TBC1D4: variants seen among roughly 807,000 people sequenced by gnomAD.
TBC1D4 encodes TBC (Tre-2, BUB2, CDC16) domain-containing protein.
A neutral mutation model predicts 142.5 loss-of-function variants in TBC1D4; 121 were observed. That is an observed-to-expected ratio of 0.85 (90% CI 0.73 to 0.99). The LOEUF is 0.99. Ranked by LOEUF, TBC1D4 falls within the 50% of genes least tolerant of loss-of-function variation. TBC1D4 has a pLI of 0.00. For missense variants in TBC1D4, 1,475 were observed against 1,606.6 expected, an observed-to-expected ratio of 0.92 and a Z score of 1.40; for synonymous variants, 630 against 628.2, an observed-to-expected ratio of 1.00 and a Z score of -0.04.
chr13:75,369,104 T>C (rs769014767), intron 1 of TBC1D4, among the ~76,000 whole-genome samples: 1 of 152,008 alleles, frequency 6.6e-6, no homozygotes. Flanking sequence ...TGGCTGAGTT[T>C]AGTGCTGGTG....
chr13:75,419,769 C>T (rs1034951822), intron 1 of TBC1D4, among the ~76,000 whole-genome samples: 1 of 152,182 alleles, frequency 6.6e-6, no homozygotes, highest in African/African-American at 2.4e-5. Context: ...GAGTGCTTAC[C>T]ATGTGCCTGA....
At chr13:75,293,713 T>C (rs1001182752) in intron 18 of TBC1D4, among the ~76,000 whole-genome samples, 1 of 152,220 alleles carries the variant, frequency 6.6e-6, no homozygotes, top group African/African-American at 2.4e-5. Context: ...TAAATTGTAG[T>C]AACACTAATG....
intron 1 of TBC1D4, among the ~76,000 whole-genome samples, chr13:75,445,993 C>A (rs1169479751): frequency 2.0e-5 from 3 of 152,218 alleles, no homozygotes; most frequent in African/African-American, 7.2e-5. Flanking sequence ...ATTCTCTGAG[C>A]TCCAGAACCA....
Position 75,481,550 on chromosome 13 carries a change from C to A in TBC1D4, c.218G>T (p.Gly73Val). ...CTCTCGGGCCGCCGGCGCCCCGCAG[C>A]CGCCCGCCTCGGGCTTCTGGCTGCG... ...RRRSQKPEAG[G>V]CGAPAAREVI... The change falls in exon 1 of 21, where the codon GGC (glycine) becomes GTC (valine). Residue 73 changes from glycine to valine, a missense_variant. Physicochemically the swap from Gly to Val is moderately radical, Grantham distance 109. Coordinates refer to ENST00000377636, the MANE Select transcript of TBC1D4 (RefSeq NM_014832.5). The A allele has an allele frequency of 6.3e-7, 1 of 1,591,476 alleles. No individual in the cohort carries two copies. Among genetic ancestry groups the A allele is most frequent in the Non-Finnish European group, 8.5e-7 (1 of 1,169,816 alleles).
At chr13:75,423,257 T>C (rs1458911074) in intron 1 of TBC1D4, among the ~76,000 whole-genome samples, 1 of 151,534 alleles carries the variant, frequency 6.6e-6, no homozygotes, top group African/African-American at 2.4e-5. Flanking sequence ...ATGTAAGTGT[T>C]TTTTTTTTCT....
At chr13:75,377,257 C>G (rs1221901310) in intron 1 of TBC1D4, 1 of 152,154 alleles carries the variant, frequency 6.6e-6, no homozygotes, top group Non-Finnish European at 1.5e-5. Context: ...GGAAACATAC[C>G]TTTTTATGAA....
chr13:75,467,781 T>G (rs1434906566), intron 1 of TBC1D4, among the ~76,000 whole-genome samples: 1 of 152,234 alleles, frequency 6.6e-6, no homozygotes, highest in Admixed American at 6.5e-5. Flanking sequence ...TCAGTGGCCA[T>G]GAAAAGTATA....
At chr13:75,351,298 A>G (rs774403587) in intron 4 of TBC1D4, among the ~76,000 whole-genome samples, 26 of 152,220 alleles carry the variant, frequency 1.7e-4, no homozygotes, top group Non-Finnish European at 3.5e-4. Context: ...AGGACTTCAA[A>G]TATTATCTAG....
intron 1 of TBC1D4, among the ~76,000 whole-genome samples, chr13:75,463,193 A>G (rs1888040994): frequency 6.6e-6 from 1 of 151,686 alleles, no homozygotes; most frequent in Non-Finnish European, 1.5e-5. Flanking sequence ...AAAAAAAGTC[A>G]TAACAATCTC....
intron 1 of TBC1D4, among the ~76,000 whole-genome samples, chr13:75,448,394 CCT>C (rs1400926054): frequency 2.0e-5 from 3 of 151,798 alleles, no homozygotes; most frequent in Non-Finnish European, 2.9e-5. Context: ...ATGGAGAAAC[CCT>C]GTCTCTACTA....
intron 15 of TBC1D4, chr13:75,302,848 G>T (rs998403482): frequency 4.7e-6 from 1 of 210,818 alleles, no homozygotes; most frequent in Non-Finnish European, 9.6e-6. Context: ...AACTCCAAAA[G>T]TCTGGTTTCA....
chr13:75,401,285 C>T (rs1255743207), intron 1 of TBC1D4, among the ~76,000 whole-genome samples: 2 of 152,194 alleles, frequency 1.3e-5, no homozygotes, highest in Non-Finnish European at 2.9e-5. Context: ...CCTCTGAAGT[C>T]ACAGTATCTC....
chr13:75,297,944 A>T (rs1876123295), intron 17 of TBC1D4, among the ~76,000 whole-genome samples: 1 of 152,082 alleles, frequency 6.6e-6, no homozygotes, highest in African/African-American at 2.4e-5. Context: ...CCCCAGTCAA[A>T]ATTTTACCTT....
chr13:75,390,297 G>A (rs1313668527), intron 1 of TBC1D4, among the ~76,000 whole-genome samples: 4 of 110,936 alleles, frequency 3.6e-5, no homozygotes, highest in African/African-American at 3.1e-5. Flanking sequence ...AAAAAAAACA[G>A]GAGAAAGAAA....
At chr13:75,480,206 T>G (rs935470662) in intron 1 of TBC1D4, among the ~76,000 whole-genome samples, 5 of 152,222 alleles carry the variant, frequency 3.3e-5, no homozygotes, top group Non-Finnish European at 7.3e-5. Flanking sequence ...GATGTTTTTC[T>G]CATCTGACTA....
At chr13:75,333,108 G>A (rs1444454507) in intron 8 of TBC1D4, among the ~76,000 whole-genome samples, 1 of 152,134 alleles carries the variant, frequency 6.6e-6, no homozygotes, top group Non-Finnish European at 1.5e-5. Flanking sequence ...CCTCTTTAAA[G>A]GCACTGAGAG....
intron 13 of TBC1D4, among the ~76,000 whole-genome samples, chr13:75,311,969 G>C (rs1270706963): frequency 2.0e-5 from 3 of 152,074 alleles, no homozygotes; most frequent in Non-Finnish European, 2.9e-5. Context: ...CTAAAGATGA[G>C]TATGTTAAAA....
Position 75,362,317 on chromosome 13 carries a change from G to A in TBC1D4, c.789C>T (p.Pro263=). The A allele has an allele frequency of 5.0e-6, 8 of 1,613,886 alleles. No homozygotes were observed. Among genetic ancestry groups the A allele is most frequent in the African/African-American group, 1.3e-5 (1 of 75,062 alleles). The change falls in exon 2 of 21, where the codon CCC becomes CCT. Residue 263 remains proline, a synonymous_variant. Transcript: ENST00000377636. This position sits in a 1 kb window ranked among gnomAD's most constrained non-coding sequence, Gnocchi z 4.2. ...ADLEVVVPGS[P]GDCLPEEADG... ...CAGCCTCCTCCGGCAGGCAGTCTCC[G>A]GGGGACCCGGGCACCACCACCTCCA... is the stretch of plus-strand genomic sequence containing the variant.
intron 4 of TBC1D4, among the ~76,000 whole-genome samples, chr13:75,352,327 C>G (rs1240855934): frequency 6.6e-6 from 1 of 151,936 alleles, no homozygotes; most frequent in Non-Finnish European, 1.5e-5. Flanking sequence ...AATGAAATAC[C>G]ATGCTTATTT....
Sources: gnomAD v4.1 joint callset for allele counts (sites outside exome capture counted in the v4.1 genomes callset) on GRCh38, gnomAD v4.1.1 for gene constraint, Gnocchi (gnomAD v3.1) non-coding constraint, MANE v1.5 for transcripts, NCBI Gene and HGNC (gene_info 2026-07-23, HGNC 2026-07-21) for gene names.